ZNF91: variants seen among roughly 807,000 people sequenced by gnomAD.
The protein encoded by ZNF91 is zinc finger protein 91 (HPF7, HTF10).
In ZNF91, 7 loss-of-function variants were observed where a neutral mutation model predicts 12.6. The ratio of observed to expected loss-of-function variants is 0.55; its 90% confidence interval spans 0.31 to 1.04. The LOEUF (loss-of-function observed/expected upper bound fraction) is 1.04. Among genes scored for constraint, ZNF91 ranks in the 50% least tolerant of loss-of-function variants. ZNF91 has a pLI of 0.05. For missense variants in ZNF91, 1,217 were observed against 1,385.4 expected (o/e 0.88, Z 1.93); for synonymous variants, 453 against 462.6 (o/e 0.98, Z 0.27).
chr19:23,353,357 G>A (rs985723983), downstream of ZNF91, among the ~76,000 whole-genome samples: 8 of 152,050 alleles, frequency 5.3e-5, no homozygotes, highest in African/African-American at 1.9e-4. Context: ...TCCTGAATGA[G>A]CACTGGGGCA....
chr19:23,385,560 A>G (rs1389243615), intron 1 of ZNF91, among the ~76,000 whole-genome samples: 1 of 152,190 alleles, frequency 6.6e-6, no homozygotes, highest in Non-Finnish European at 1.5e-5. Context: ...TGGCTCAGAT[A>G]TTGTTTGCAG....
upstream of ZNF91, among the ~76,000 whole-genome samples, chr19:23,311,193 AC>A (rs1967464896): frequency 6.6e-6 from 1 of 152,058 alleles, no homozygotes; most frequent in African/African-American, 2.4e-5. Context: ...ATATTGCTGG[AC>A]CAAGCATTTA....
intron 1 of ZNF91, among the ~76,000 whole-genome samples, chr19:23,320,040 T>TGCA (rs1967655095): frequency 6.6e-6 from 1 of 152,160 alleles, no homozygotes; most frequent in African/African-American, 2.4e-5. Context: ...AAATACTGTA[T>TGCA]TTCTGGTATG....
At position 23,360,365 on chromosome 19, in the gene ZNF91, G is replaced by A; in HGVS notation, c.2614C>T (p.His872Tyr). The A allele has an allele frequency of 6.2e-7, 1 of 1,614,044 alleles. No homozygotes were observed. The highest frequency in any genetic ancestry group is 8.5e-7 in the Non-Finnish European group (1 of 1,180,000). ...AFNQSSNLTTHKIIHTKEKPS... is the reference protein window; with the variant it reads ...AFNQSSNLTTYKIIHTKEKPS... ...TTCTCTTTAGTATGAATTATCTTAT[G>A]TGTCGTAAGATTTGAAGATTGATTA... The change falls in exon 4 of 4, where the codon CAT becomes TAT. Residue 872 changes from histidine to tyrosine, a missense_variant. Physicochemically the swap from His to Tyr is moderately conservative, Grantham distance 83. Transcript: ENST00000300619.
In ZNF91 at chr19:23,308,864, CTT is replaced by C. The variant is rs1181587472; in HGVS notation, n.190+58_190+59del. ...TACCCAGAACCTAGGTAATGTGACT[CTT>C]TTTTACTGCTTGGGCTTTGCCCAAG... On this transcript the variant is annotated intron_variant and non_coding_transcript_variant, in intron 2 of 3. Transcript: ENST00000593292. The C allele has an allele frequency of 2.0e-5, 3 of 152,090 alleles. No homozygotes were observed. The East Asian group carries it at 5.8e-4, about 29-fold the overall frequency. 9.4% of individuals were successfully genotyped at this position (152,090 alleles called of 1,614,324 possible).
intron 3 of ZNF91, among the ~76,000 whole-genome samples, chr19:23,344,337 G>T (rs994693687): frequency 6.6e-6 from 1 of 151,914 alleles, no homozygotes; most frequent in Non-Finnish European, 1.5e-5. Flanking sequence ...CTCATGATCC[G>T]CCCGCCTCGG....
intron 1 of ZNF91, among the ~76,000 whole-genome samples, chr19:23,390,804 C>G (rs1327134153): frequency 6.6e-6 from 1 of 152,198 alleles, no homozygotes; most frequent in African/African-American, 2.4e-5. Flanking sequence ...TCTCAAACTC[C>G]TGAGCTCAGG....
At chr19:23,337,160 G>C (rs1259796260), downstream of ZNF91, among the ~76,000 whole-genome samples, 1 of 151,906 alleles carries the variant, frequency 6.6e-6, no homozygotes, top group Non-Finnish European at 1.5e-5. Flanking sequence ...TTCATGTCAG[G>C]TGTGCTGGCC....
chr19:23,362,885 T>G (rs1968869802), intron 3 of ZNF91, among the ~76,000 whole-genome samples, 160 bp from the exon 4 acceptor site: 1 of 152,244 alleles, frequency 6.6e-6, no homozygotes, highest in Non-Finnish European at 1.5e-5. Flanking sequence ...TTTGTTTGTT[T>G]GTTTTTGAGA....
At chr19:23,384,165 T>C (rs771015273) in intron 1 of ZNF91, among the ~76,000 whole-genome samples, 1 of 152,212 alleles carries the variant, frequency 6.6e-6, no homozygotes, top group African/African-American at 2.4e-5. Context: ...GAGGTCAAAC[T>C]ATCCCTGTTT....
intron 1 of ZNF91, among the ~76,000 whole-genome samples, chr19:23,333,577 T>C (rs1967959499): frequency 6.6e-6 from 1 of 152,192 alleles, no homozygotes; most frequent in Non-Finnish European, 1.5e-5. Context: ...TGTGCCTAGA[T>C]TCTTTTATGA....
intron 1 of ZNF91, among the ~76,000 whole-genome samples, chr19:23,330,232 G>A (rs1490501343): frequency 2.0e-5 from 3 of 152,048 alleles, no homozygotes; most frequent in African/African-American, 4.8e-5. Flanking sequence ...TCGGGAGGCC[G>A]AGGTGGGAGA....
intron 3 of ZNF91, among the ~76,000 whole-genome samples, chr19:23,369,377 G>A (rs1217513147): frequency 3.3e-5 from 5 of 151,658 alleles, no homozygotes; most frequent in East Asian, 3.9e-4. Flanking sequence ...CGCCCCGTCC[G>A]GGAGGGAGGT....
At chr19:23,319,351 C>T (rs1005103951) in intron 1 of ZNF91, among the ~76,000 whole-genome samples, 9 of 152,198 alleles carry the variant, frequency 5.9e-5, no homozygotes, top group African/African-American at 2.2e-4. Context: ...TTATGCCATA[C>T]CTTTTTGTTT....
chr19:23,351,329 AAG>A (rs1340899688), intron 3 of ZNF91, among the ~76,000 whole-genome samples: 42 of 148,768 alleles, frequency 2.8e-4, no homozygotes, highest in African/African-American at 9.0e-4. Flanking sequence ...ACCACAGAAA[AAG>A]AAAAAAAAAA....
intron 3 of ZNF91, among the ~76,000 whole-genome samples, 175 bp downstream of exon 3, chr19:23,373,567 T>A (rs1969380925): frequency 6.6e-6 from 1 of 151,862 alleles, no homozygotes; most frequent in Admixed American, 6.6e-5. Flanking sequence ...AAAGTAGAAT[T>A]CTTAGAGATT....
At chr19:23,331,001 G>A (rs189657776) in intron 1 of ZNF91, among the ~76,000 whole-genome samples, 118 of 152,294 alleles carry the variant, frequency 7.7e-4, no homozygotes, top group Non-Finnish European at 1.4e-3. Context: ...GTATATATAA[G>A]GCAACTTTTA....
chr19:23,343,853 C>G (rs1968169047), intron 3 of ZNF91, among the ~76,000 whole-genome samples: 1 of 152,210 alleles, frequency 6.6e-6, no homozygotes, highest in Admixed American at 6.5e-5. Context: ...GAACCTGACA[C>G]TTAGCATGAC....
At chr19:23,369,329 C>T (rs1969163388) in intron 3 of ZNF91, among the ~76,000 whole-genome samples, 1 of 151,330 alleles carries the variant, frequency 6.6e-6, no homozygotes, top group Non-Finnish European at 1.5e-5. Flanking sequence ...AAAACAACGC[C>T]CGGGAGGGAG....
Sources: gnomAD v4.1 joint callset for allele counts (sites outside exome capture counted in the v4.1 genomes callset) on GRCh38, gnomAD v4.1.1 for gene constraint, MANE v1.5 for transcripts, NCBI Gene and HGNC (gene_info 2026-07-23, HGNC 2026-07-21) for gene names.